ANKHD1: variants seen among roughly 807,000 people sequenced by gnomAD.
ANKHD1 encodes the protein ankyrin repeat and KH domain-containing protein 1.
ANKHD1 carries 31 observed loss-of-function variants against 230.5 expected under a neutral mutation model. The ratio of observed to expected loss-of-function variants is 0.13; its 90% CI spans 0.10 to 0.18. The LOEUF (loss-of-function observed/expected upper bound fraction) is 0.18, where lower values mean the gene tolerates loss of function less well. ANKHD1 is among the 10% of genes least tolerant of loss of function. The probability of loss-of-function intolerance (pLI) is 1.00; values close to 1 mark genes in which losing one functional copy is unlikely to be tolerated. For synonymous variants in ANKHD1, 1,074 were observed against 1,117.6 expected (o/e 0.96, Z 0.78); for missense variants, 2,256 against 3,071.3 (o/e 0.73, Z 6.27).
At position 140,496,941 on chromosome 5, in the gene ANKHD1, A is replaced by G; in HGVS notation, c.2667A>G (p.Pro889=). The change falls in exon 15 of 34, where the codon CCA becomes CCG. Residue 889 remains proline, a synonymous_variant. Coordinates refer to ENST00000360839, the MANE Select transcript of ANKHD1 (RefSeq NM_017747.3). ...AAGGGGAAGGAGATGGTAGTCTCCC[A>G]GAGGATCACTTTTCAGAGTTACCTC... ...FPEGEGDGSL[P]EDHFSELPQV... is the part of the protein sequence containing the mutation. 2 of 1,614,208 alleles carry G rather than the reference A, an allele frequency of 1.2e-6. No homozygotes were observed. Among genetic ancestry groups the G allele is most frequent in the Non-Finnish European group, 1.7e-6 (2 of 1,180,016 alleles).
chr5:140,503,713 G>A (rs546175100), intron 15 of ANKHD1, among the ~76,000 whole-genome samples: 45 of 150,558 alleles, frequency 3.0e-4, no homozygotes, highest in Middle Eastern at 6.9e-3. Flanking sequence ...GCTTACAGGC[G>A]CGTTCCACCA....
In ANKHD1 at chr5:140,528,907, T is replaced by C; in HGVS notation, c.5961T>C (p.Pro1987=). ...TGACAAGCACTTGTAGTTCCCTGCCTTCTGTCTCCTCTGCACCTATCACTA... is the reference window on the plus strand; with the variant it reads ...TGACAAGCACTTGTAGTTCCCTGCCCTCTGTCTCCTCTGCACCTATCACTA... The part of the protein sequence containing the change: ...SSVTSTCSSL[P]SVSSAPITSG... The change falls in exon 29 of 34, where the codon CCT becomes CCC. Residue 1987 remains proline (P), a synonymous_variant. Coordinates refer to ENST00000360839, the MANE Select transcript of ANKHD1 (RefSeq NM_017747.3). 1.2e-6 allele frequency: 2 copies of C among 1,614,216 alleles called. No individual in the cohort carries two copies. The highest frequency in any genetic ancestry group is 1.7e-6 in the Non-Finnish European group (2 of 1,180,034).
At chr5:140,511,200 G>A (rs1426903281) in intron 22 of ANKHD1, among the ~76,000 whole-genome samples, 1 of 151,976 alleles carries the variant, frequency 6.6e-6, no homozygotes, top group Non-Finnish European at 1.5e-5. Context: ...CCTTCCCATT[G>A]GTATAGCTTC....
chr5:140,503,938 A>C (rs996578369), intron 15 of ANKHD1, among the ~76,000 whole-genome samples: 1 of 152,174 alleles, frequency 6.6e-6, no homozygotes, highest in African/African-American at 2.4e-5. Context: ...CATTTTAAAA[A>C]TAGTTGGACT....
intron 1 of ANKHD1, among the ~76,000 whole-genome samples, chr5:140,431,657 A>T (rs1240965462): frequency 6.6e-6 from 1 of 152,218 alleles, no homozygotes; most frequent in African/African-American, 2.4e-5. Flanking sequence ...ACAATGCCTG[A>T]TAGAACTGGT....
At chr5:140,440,320 A>G (rs1773758040) in intron 4 of ANKHD1, 54 bp downstream of exon 4, 13 of 1,563,548 alleles carry the variant, frequency 8.3e-6, no homozygotes, top group Non-Finnish European at 1.1e-5. Flanking sequence ...TTGATGTTTT[A>G]TTTATTTTTG....
chr5:140,461,548 T>C (rs944946725), intron 9 of ANKHD1, among the ~76,000 whole-genome samples: 1 of 152,198 alleles, frequency 6.6e-6, no homozygotes, highest in Non-Finnish European at 1.5e-5. Flanking sequence ...ACAGAGAATG[T>C]AGTATTTGAG....
rs1752830359 is a variant in ANKHD1 at position 140,512,933 on chromosome 5, A to T, written c.4200+10A>T. ...AACAATTACAGATAAGGTAAGTTTA[A>T]TATGCTACTGAAGCACATTTTTGTT... On this transcript the variant is annotated intron_variant, in intron 23 of 33. Transcript: ENST00000360839. The T allele has an allele frequency of 6.3e-7, 1 of 1,586,434 alleles. No homozygotes were observed. Among genetic ancestry groups the T allele is most frequent in the Non-Finnish European group, 8.5e-7 (1 of 1,170,092 alleles).
chr5:140,458,988 A>ATC, intron 8 of ANKHD1, 126 bp downstream of exon 8: 1 of 18,132 alleles, frequency 5.5e-5, no homozygotes, highest in Non-Finnish European at 9.4e-5. Context: ...ATGCATATAT[A>ATC]TATATATGCA....
chr5:140,535,787 T>C, intron 30 of ANKHD1: 1 of 321,634 alleles, frequency 3.1e-6, no homozygotes, highest in Non-Finnish European at 5.0e-6. Flanking sequence ...CTGGGTGCAG[T>C]GGCTGACACC....
intron 14 of ANKHD1, among the ~76,000 whole-genome samples, chr5:140,489,223 T>A (rs1192094285): frequency 6.7e-6 from 1 of 150,052 alleles, no homozygotes; most frequent in African/African-American, 2.4e-5. Context: ...AGAAAAAAAA[T>A]TAGGCTATGT....
intron 1 of ANKHD1, among the ~76,000 whole-genome samples, chr5:140,433,839 T>TA: frequency 6.6e-6 from 1 of 152,182 alleles, no homozygotes. Context: ...ATGATGTTTT[T>TA]ACCTGTCCTT....
rs540544442 is a variant in ANKHD1 at position 140,458,945 on chromosome 5, CATATATATATATAT to C, written c.1480+104_1480+117del. 11 of 83,840 alleles carry C rather than the reference CATATATATATATAT, an allele frequency of 1.3e-4. 2 individuals carry two copies. Among genetic ancestry groups the C allele is most frequent in the Admixed American group, 4.6e-4 (2 of 4,330 alleles). The allele number at this position is 83,840 out of a possible 1,614,324, so 5.2% of individuals were successfully genotyped here. A position where few individuals can be genotyped will look rare whatever the true frequency, so the allele number is the denominator to read the frequency against. ...TACTGGTGAAGTTTACTACAGCTAG[CATATATATATATAT>C]ATATATATATATATATATATGCATA... On this transcript the variant is annotated intron_variant, in intron 8 of 33. Transcript: ENST00000360839.
chr5:140,421,307 T>TG (rs1425078584), intron 1 of ANKHD1, among the ~76,000 whole-genome samples: 2 of 149,118 alleles, frequency 1.3e-5, no homozygotes, highest in African/African-American at 4.9e-5. Context: ...TTTTTTTTTT[T>TG]TTTTTTTTTT....
At chr5:140,475,850 A>G (rs1297693899) in intron 10 of ANKHD1, among the ~76,000 whole-genome samples, 1 of 152,200 alleles carries the variant, frequency 6.6e-6, no homozygotes, top group Non-Finnish European at 1.5e-5. Context: ...TTTCCTCAGT[A>G]AAAAAATTAT....
intron 7 of ANKHD1, among the ~76,000 whole-genome samples, chr5:140,452,116 C>G (rs560931652): frequency 1.4e-4 from 21 of 152,178 alleles, no homozygotes; most frequent in Non-Finnish European, 2.6e-4. Context: ...CGGAGCCTCC[C>G]TCATTGCTAA....
intron 9 of ANKHD1, among the ~76,000 whole-genome samples, chr5:140,462,782 G>T (rs1053610750): frequency 6.7e-6 from 1 of 148,406 alleles, no homozygotes; most frequent in African/African-American, 2.5e-5. Context: ...CCCTTTATCT[G>T]CCAGTTTCCA....
In ANKHD1 at chr5:140,527,003, C is replaced by T. The variant is rs1455009342; in HGVS notation, c.5016C>T (p.Asn1672=). 1.2e-6 allele frequency: 2 copies of T among 1,613,814 alleles called. No homozygotes were observed. The highest frequency in any genetic ancestry group is 1.7e-4 in the Middle Eastern group (1 of 6,058). ...KTVSLPLSSP[N]IKLNLTSPKR... ...TGTCATTGCCATTAAGCTCTCCAAA[C>T]ATAAAGCTGAATCTCACTAGCCCTA... Residue 1672 remains asparagine, a synonymous_variant, in exon 27 of 34, where the codon AAC becomes AAT. Coordinates refer to ENST00000360839, the MANE Select transcript of ANKHD1 (RefSeq NM_017747.3). The surrounding 1 kb of genome is among the most constrained non-coding windows in gnomAD (Gnocchi z 4.5).
intron 10 of ANKHD1, among the ~76,000 whole-genome samples, chr5:140,471,847 A>G (rs1267561012): frequency 6.6e-6 from 1 of 152,142 alleles, no homozygotes; most frequent in Non-Finnish European, 1.5e-5. Context: ...TATTTATCTT[A>G]CAGTATTTTC....
Sources: gnomAD v4.1 joint callset for allele counts (sites outside exome capture counted in the v4.1 genomes callset) on GRCh38, gnomAD v4.1.1 for gene constraint, Gnocchi (gnomAD v3.1) non-coding constraint, MANE v1.5 for transcripts, NCBI Gene and HGNC (gene_info 2026-07-23, HGNC 2026-07-21) for gene names.